The following AMZ2 variants were observed in gnomAD, a reference collection of about 807,000 sequenced individuals.
AMZ2 encodes the protein archaemetzincin-2.
In AMZ2, 26 loss-of-function variants were observed where a neutral mutation model predicts 36.7. The observed-to-expected ratio is 0.71, with a 90% CI of 0.52 to 0.98. The LOEUF (loss-of-function observed/expected upper bound fraction) is 0.98. Ranked by LOEUF, AMZ2 falls within the 50% of genes least tolerant of loss-of-function variation. The pLI is 0.00. For missense variants in AMZ2, 394 were observed against 430.5 expected (o/e 0.92, Z 0.75); for synonymous variants, 144 against 149.1 (o/e 0.97, Z 0.25).
At chr17:68,224,662 C>T (rs1555729434) in intron 1 of AMZ2, among the ~76,000 whole-genome samples, 1 of 151,830 alleles carries the variant, frequency 6.6e-6, no homozygotes, top group Non-Finnish European at 1.5e-5. Flanking sequence ...GTCTCAGCCT[C>T]CCCAGGAGTT....
At chr17:68,237,633 C>T (rs112148840) in intron 1 of AMZ2, among the ~76,000 whole-genome samples, 296 of 152,284 alleles carry the variant, frequency 1.9e-3, no homozygotes, top group Non-Finnish European at 3.5e-3. Context: ...TAATGGCTCA[C>T]GGTCCTAGGG....
At chr17:68,207,888 A>T (rs12949232) in intron 1 of AMZ2, among the ~76,000 whole-genome samples, 8 of 149,326 alleles carry the variant, frequency 5.4e-5, no homozygotes, top group African/African-American at 2.0e-4. Context: ...CGGGGCTGCG[A>T]GCGGTGCTTG....
intron 1 of AMZ2, among the ~76,000 whole-genome samples, chr17:68,220,669 A>G (rs1555728242): frequency 6.6e-6 from 1 of 152,136 alleles, no homozygotes; most frequent in African/African-American, 2.4e-5. Context: ...GTGCATAAGT[A>G]CTTAAGCCAA....
At chr17:68,242,470 G>A (rs2073921537) in intron 1 of AMZ2, among the ~76,000 whole-genome samples, 1 of 152,080 alleles carries the variant, frequency 6.6e-6, no homozygotes, top group Admixed American at 6.5e-5. Flanking sequence ...CGAGGGCAGT[G>A]GCGCGATCTC....
chr17:68,250,532 G>A, intron 2 of AMZ2, 62 bp downstream of exon 2: 1 of 1,569,646 alleles, frequency 6.4e-7, no homozygotes, highest in South Asian at 1.2e-5. Context: ...GTCAGGAATA[G>A]TCCAGGCTAT....
chr17:68,250,985 G>A lies in AMZ2; in HGVS notation c.457+18G>A, dbSNP rs2074416319. 2 of 1,611,516 alleles carry A rather than the reference G, an allele frequency of 1.2e-6. No homozygotes were observed. The highest frequency in any genetic ancestry group is 1.7e-6 in the Non-Finnish European group (2 of 1,179,446). ...TCATGCAGGTGAATTACACGACTTT[G>A]CAATTCGAACTGAGTATATGTATAT... On this transcript the variant is annotated intron_variant, in intron 3 of 6. Transcript: ENST00000359904.
At chr17:68,236,015 A>C (rs1297435722) in intron 1 of AMZ2, among the ~76,000 whole-genome samples, 14 of 152,050 alleles carry the variant, frequency 9.2e-5, no homozygotes, top group Admixed American at 9.2e-4. Flanking sequence ...TTTTTAGTAC[A>C]GATGGGGTTT....
intron 1 of AMZ2, among the ~76,000 whole-genome samples, chr17:68,226,238 G>T (rs1326297484): frequency 1.3e-5 from 2 of 152,136 alleles, no homozygotes; most frequent in East Asian, 3.9e-4. Context: ...AAGATGCCAA[G>T]CAAAAGGACT....
At chr17:68,234,923 G>C (rs12947992) in intron 1 of AMZ2, among the ~76,000 whole-genome samples, 32,692 of 152,076 alleles carry the variant, frequency 0.21, 4,207 homozygotes, top group African/African-American at 0.36. Context: ...GCTGAGGCAG[G>C]AGAATCGCTT....
At position 68,248,184 on chromosome 17, in the gene AMZ2, G is replaced by C; in HGVS notation, c.-522G>C. 1.0e-6 allele frequency: 1 copy of C among 986,516 alleles called. No individual in the cohort carries two copies. Among genetic ancestry groups the C allele is most frequent in the East Asian group, 1.1e-4 (1 of 8,818 alleles). The allele number at this position is 986,516 out of a possible 1,614,324, so 61.1% of individuals were successfully genotyped here. On this transcript the variant is annotated 5_prime_UTR_variant, in exon 1 of 7. Coordinates refer to ENST00000359904, the MANE Select transcript of AMZ2 (RefSeq NM_016627.5). ...CAGGGTAGCCGGGTCGTAGAGGCGGGGGCCGGTCGCGGTCGGTGGAGCGGG... is the reference window on the plus strand; with the variant it reads ...CAGGGTAGCCGGGTCGTAGAGGCGGCGGCCGGTCGCGGTCGGTGGAGCGGG...
rs758150 is a variant in AMZ2 at position 68,221,219 on chromosome 17, G to A, written c.-67+14981G>A. ...GCCTCAGCCCTCAGCTCCCCCCCCC[G>A]CCCCCCCGGTAGCTAGGACCCCAAG... On this transcript the variant is annotated intron_variant, in intron 1 of 7. Coordinates refer to the AMZ2 transcript ENST00000674770. Among the ~76,000 whole-genome samples the A allele has an allele frequency of 5.2e-4, 27 of 52,088 alleles. 3 individuals carry two copies. Among genetic ancestry groups the A allele is most frequent in the African/African-American group, 1.6e-3 (20 of 12,888 alleles). The allele number at this position is 52,088 out of a possible 152,430, so 34.2% of individuals were successfully genotyped here.
chr17:68,229,876 C>T (rs576753337), intron 1 of AMZ2, among the ~76,000 whole-genome samples: 5 of 152,148 alleles, frequency 3.3e-5, no homozygotes, highest in Admixed American at 1.3e-4. Flanking sequence ...CTGAGCTTCT[C>T]GTTCTCCTCC....
chr17:68,229,141 G>A (rs1555730626), intron 1 of AMZ2, among the ~76,000 whole-genome samples: 1 of 152,172 alleles, frequency 6.6e-6, no homozygotes, highest in Non-Finnish European at 1.5e-5. Flanking sequence ...GCTACCGCCT[G>A]TCTCTTCTGG....
intron 1 of AMZ2, among the ~76,000 whole-genome samples, chr17:68,211,872 GTGTA>G (rs2073075593): frequency 8.1e-6 from 1 of 123,782 alleles, no homozygotes; most frequent in African/African-American, 2.9e-5. Context: ...ATATATGTGT[GTGTA>G]TGTATATATA....
chr17:68,238,573 A>G (rs1456343905), intron 1 of AMZ2, among the ~76,000 whole-genome samples: 1 of 129,648 alleles, frequency 7.7e-6, no homozygotes, highest in Non-Finnish European at 1.6e-5. Context: ...ATATAGATAT[A>G]CACACACATA....
Position 68,250,910 on chromosome 17 carries a change from G to A in AMZ2, c.400G>A (p.Val134Ile). Residue 134 changes from valine to isoleucine, a missense_variant, in exon 3 of 7, where the codon GTA becomes ATA. Physicochemically the swap from Val to Ile is conservative, Grantham distance 29. Coordinates refer to ENST00000359904, the MANE Select transcript of AMZ2 (RefSeq NM_016627.5). ...ACTCCTAGAACCAGTTCCTGTTTCT[G>A]TAACAAGATGTTCCTTTAGAGTCAA... ...VKLLEPVPVS[V>I]TRCSFRVNEN... 1.2e-6 allele frequency: 2 copies of A among 1,610,398 alleles called. No homozygotes were observed. The highest frequency in any genetic ancestry group is 1.7e-6 in the Non-Finnish European group (2 of 1,179,222).
At chr17:68,217,810 A>T (rs1182211859) in intron 1 of AMZ2, among the ~76,000 whole-genome samples, 16 of 136,368 alleles carry the variant, frequency 1.2e-4, no homozygotes, top group South Asian at 4.6e-4. Flanking sequence ...AATAAAAAAG[A>T]TTTTTTTTTT....
At chr17:68,217,084 A>G (rs1208539884) in intron 1 of AMZ2, among the ~76,000 whole-genome samples, 1 of 152,182 alleles carries the variant, frequency 6.6e-6, no homozygotes, top group Non-Finnish European at 1.5e-5. Flanking sequence ...GCGTTTTAAG[A>G]AAATCTCAAC....
intron 1 of AMZ2, among the ~76,000 whole-genome samples, chr17:68,240,511 A>G (rs1291451951): frequency 6.6e-6 from 1 of 152,238 alleles, no homozygotes; most frequent in Non-Finnish European, 1.5e-5. Flanking sequence ...ATTCATTCTG[A>G]AAGTCCAACA....
Sources: gnomAD v4.1 joint callset for allele counts (sites outside exome capture counted in the v4.1 genomes callset) on GRCh38, gnomAD v4.1.1 for gene constraint, MANE v1.5 for transcripts, NCBI Gene and HGNC (gene_info 2026-07-23, HGNC 2026-07-21) for gene names.